Variants in SLCO2A1 observed in about 807,000 individuals in gnomAD.
SLCO2A1 encodes the protein solute carrier organic anion transporter family member 2A1.
A neutral mutation model predicts 71.7 loss-of-function variants in SLCO2A1; 60 were observed. The observed-to-expected ratio is 0.84, with a 90% CI of 0.68 to 1.04. The LOEUF is 1.04. SLCO2A1 is among the 50% of genes least tolerant of loss of function. The probability of loss-of-function intolerance (pLI) is 0.00; values close to 1 mark genes in which losing one functional copy is unlikely to be tolerated. For missense variants in SLCO2A1, 745 were observed against 813.4 expected, an observed-to-expected ratio of 0.92 and a Z score of 1.02; for synonymous variants, 308 against 326.7, an observed-to-expected ratio of 0.94 and a Z score of 0.62.
At chr3:133,970,397 C>T (rs1934296270) in intron 3 of SLCO2A1, among the ~76,000 whole-genome samples, 1 of 152,200 alleles carries the variant, frequency 6.6e-6, no homozygotes. Flanking sequence ...AGGTTCACAC[C>T]CCCACTCAGA....
intron 1 of SLCO2A1, among the ~76,000 whole-genome samples, chr3:134,008,310 T>TA (rs1181234262): frequency 6.6e-6 from 1 of 152,240 alleles, no homozygotes; most frequent in Non-Finnish European, 1.5e-5. Context: ...CATATGGGCA[T>TA]AGTCCACTCT....
intron 6 of SLCO2A1, 152 bp from the exon 7 acceptor site, chr3:133,949,123 C>T (rs1335470763): frequency 1.6e-6 from 1 of 642,390 alleles, no homozygotes; most frequent in Admixed American, 2.6e-5. Flanking sequence ...CCAGAGAATG[C>T]TCTCCTGAAG....
Position 133,951,281 on chromosome 3 carries a change from A to G in SLCO2A1, c.788T>C (p.Ile263Thr). The change falls in exon 6 of 14, where the codon ATT (isoleucine) becomes ACT (threonine). Residue 263 changes from isoleucine (I) to threonine (T), a missense_variant. Coordinates refer to ENST00000310926, the MANE Select transcript of SLCO2A1 (RefSeq NM_005630.3). ...GGTGAGAACCAATAAAGCTGAAGAA[A>G]TGAGCAGGCCTAGCCACCAGGCTCC... is the stretch of plus-strand genomic sequence containing the variant. ...WIGAWWLGLL[I>T]SSALLVLTSF... 1 of 1,614,172 alleles carries G rather than the reference A, an allele frequency of 6.2e-7. No homozygotes were observed. Among genetic ancestry groups the G allele is most frequent in the Non-Finnish European group, 8.5e-7 (1 of 1,180,018 alleles).
At chr3:133,952,184 G>A (rs1035496480) in intron 5 of SLCO2A1, among the ~76,000 whole-genome samples, 2 of 152,184 alleles carry the variant, frequency 1.3e-5, no homozygotes, top group Non-Finnish European at 1.5e-5. Flanking sequence ...GAACCAATTC[G>A]GGGAGTGCCA....
intron 3 of SLCO2A1, among the ~76,000 whole-genome samples, chr3:133,961,191 T>C (rs547930202): frequency 1.3e-5 from 2 of 149,800 alleles, no homozygotes; most frequent in Non-Finnish European, 3.0e-5. Flanking sequence ...AGGAGGGGAG[T>C]TGATTCCATC....
chr3:133,975,963 T>C (rs1349212684), intron 2 of SLCO2A1, among the ~76,000 whole-genome samples: 1 of 152,278 alleles, frequency 6.6e-6, no homozygotes, highest in African/African-American at 2.4e-5. Flanking sequence ...ATAAATACTA[T>C]ATTTATCCTT....
chr3:133,965,679 A>G (rs368448748), intron 3 of SLCO2A1, among the ~76,000 whole-genome samples: 1 of 152,118 alleles, frequency 6.6e-6, no homozygotes, highest in African/African-American at 2.4e-5. Context: ...GCAAGTTCAC[A>G]ATTCCAGCCT....
At chr3:133,944,632 C>A (rs1266330385) in intron 10 of SLCO2A1, among the ~76,000 whole-genome samples, 4 of 152,196 alleles carry the variant, frequency 2.6e-5, no homozygotes, top group African/African-American at 4.8e-5. Context: ...TGTGGCCACA[C>A]CTGGGAGCTG....
Position 133,979,484 on chromosome 3 carries a change from A to T in SLCO2A1, c.231T>A (p.Asn77Lys). 6.2e-7 allele frequency: 1 copy of T among 1,614,162 alleles called. No homozygotes were observed. The highest frequency in any genetic ancestry group is 8.5e-7 in the Non-Finnish European group (1 of 1,180,012). The change falls in exon 2 of 14, where the codon AAT (asparagine) becomes AAA (lysine). Residue 77 changes from asparagine to lysine, a missense_variant. By Grantham distance (94) the Asn-to-Lys change is moderately conservative (BLOSUM62 0). Coordinates refer to ENST00000310926, the MANE Select transcript of SLCO2A1 (RefSeq NM_005630.3). ...SSSSGLISSL[N>K]EISNAILIIF... is the part of the protein sequence containing the mutation. ...TGGACCAGAACCTCCTGCTCACCTC[A>T]TTCAAGCTGGAAATGAGACCCGATG...
chr3:134,001,579 C>T (rs979446296), intron 1 of SLCO2A1, among the ~76,000 whole-genome samples: 1 of 152,182 alleles, frequency 6.6e-6, no homozygotes, highest in Non-Finnish European at 1.5e-5. Context: ...TGCCTTCCCC[C>T]TCTCTCTACT....
Position 134,029,915 on chromosome 3 carries a change from G to A in SLCO2A1, c.-113C>T. ...CGGCAGTGGCCGGAGGAGATTCGCG[G>A]AGCGGAGACTGAGCCAGCGAGTGCG... On this transcript the variant is annotated 5_prime_UTR_variant, in exon 1 of 14. Transcript: ENST00000310926. The A allele has an allele frequency of 2.1e-6, 1 of 480,410 alleles. No homozygotes were observed. Among genetic ancestry groups the A allele is most frequent in the Non-Finnish European group, 3.3e-6 (1 of 305,748 alleles). 29.8% of individuals were successfully genotyped at this position (480,410 alleles called of 1,614,324 possible).
chr3:133,945,196 T>C lies in SLCO2A1; in HGVS notation c.1360A>G (p.Ile454Val), dbSNP rs201219570. 69 of 1,613,996 alleles carry C rather than the reference T, an allele frequency of 4.3e-5. No homozygotes were observed. The highest frequency in any genetic ancestry group is 1.6e-4 in the African/African-American group (12 of 74,908). ...CRRDCSCPDSIFHPVCGDNGI... is the reference protein window; with the variant it reads ...CRRDCSCPDSVFHPVCGDNGI... ...TTGTCTCCACAGACCGGGTGGAAGA[T>C]AGAATCTGGGCACGAGCAGTCCCTG... The change falls in exon 10 of 14, where the codon ATC becomes GTC. Residue 454 changes from isoleucine (I) to valine (V), a missense_variant. Coordinates refer to ENST00000310926, the MANE Select transcript of SLCO2A1 (RefSeq NM_005630.3).
intron 2 of SLCO2A1, among the ~76,000 whole-genome samples, chr3:133,979,063 A>G (rs774293785): frequency 6.6e-6 from 1 of 152,148 alleles, no homozygotes; most frequent in Non-Finnish European, 1.5e-5. Context: ...TCTCTAGACT[A>G]TGTATGGGGC....
chr3:133,949,419 G>A (rs1272894078), intron 6 of SLCO2A1, among the ~76,000 whole-genome samples: 2 of 151,984 alleles, frequency 1.3e-5, no homozygotes, highest in African/African-American at 4.8e-5. Context: ...TCCTCTCTGG[G>A]ATTCTTGCTT....
At chr3:133,966,394 T>C (rs1368647823) in intron 3 of SLCO2A1, among the ~76,000 whole-genome samples, 3 of 151,862 alleles carry the variant, frequency 2.0e-5, no homozygotes, top group African/African-American at 7.2e-5. Context: ...AGAAGCACAA[T>C]GTATGAGACA....
chr3:133,988,098 A>G (rs768061761), intron 1 of SLCO2A1, among the ~76,000 whole-genome samples: 1 of 152,178 alleles, frequency 6.6e-6, no homozygotes, highest in Non-Finnish European at 1.5e-5. Context: ...TGGTCAGGGC[A>G]CTCTTAAAAT....
chr3:133,978,704 T>A (rs776487528), intron 2 of SLCO2A1, among the ~76,000 whole-genome samples: 3 of 151,780 alleles, frequency 2.0e-5, no homozygotes, highest in Non-Finnish European at 4.4e-5. Context: ...CCAGGAAGAG[T>A]GGCCCTGGGG....
intron 3 of SLCO2A1, among the ~76,000 whole-genome samples, chr3:133,963,684 A>G (rs956967002): frequency 6.6e-6 from 1 of 152,232 alleles, no homozygotes; most frequent in African/African-American, 2.4e-5. Flanking sequence ...AAACTTCAGA[A>G]GCAATCCATA....
chr3:133,988,603 T>C (rs1934766492), intron 1 of SLCO2A1, among the ~76,000 whole-genome samples: 1 of 152,202 alleles, frequency 6.6e-6, no homozygotes, highest in African/African-American at 2.4e-5. Context: ...TTTGAAGAGA[T>C]GTATTCGGAG....
Sources: allele counts gnomAD v4.1 joint callset (sites outside exome capture counted in the v4.1 genomes callset), GRCh38; gene constraint gnomAD v4.1.1; transcripts MANE v1.5; gene names NCBI Gene and HGNC (gene_info 2026-07-23, HGNC 2026-07-21).